The following ARFGEF1 variants were observed in gnomAD, a reference collection of about 807,000 sequenced individuals.
The protein encoded by ARFGEF1 is ARF guanine nucleotide exchange factor 1.
In ARFGEF1, 42 loss-of-function variants were observed where a neutral mutation model predicts 231.0. The ratio of observed to expected loss-of-function variants is 0.18; its 90% CI spans 0.14 to 0.24. ARFGEF1 has a LOEUF of 0.24. Among genes scored for constraint, ARFGEF1 ranks in the 10% least tolerant of loss-of-function variants. The pLI, the probability that ARFGEF1 is intolerant of heterozygous loss-of-function variation, is 1.00. For missense variants in ARFGEF1, 1,345 were observed against 2,192.0 expected (o/e 0.61, Z 7.72); for synonymous variants, 710 against 732.3 (o/e 0.97, Z 0.49).
intron 15 of ARFGEF1, among the ~76,000 whole-genome samples, chr8:67,259,425 G>A (rs1840569343): frequency 6.6e-6 from 1 of 151,984 alleles, no homozygotes; most frequent in African/African-American, 2.4e-5. Context: ...ACGAGGTTTT[G>A]CCACATTGGC....
At chr8:67,282,824 G>A (rs540795824) in intron 7 of ARFGEF1, among the ~76,000 whole-genome samples, 3 of 145,202 alleles carry the variant, frequency 2.1e-5, no homozygotes, top group South Asian at 2.2e-4. Context: ...CTCCAGCCTC[G>A]ATGATAGAGC....
At chr8:67,252,637 C>T (rs1840333077) in intron 18 of ARFGEF1, among the ~76,000 whole-genome samples, 1 of 152,168 alleles carries the variant, frequency 6.6e-6, no homozygotes, top group Non-Finnish European at 1.5e-5. Context: ...TATTCTTGAG[C>T]CACTACCCTC....
rs1216397684 is a variant in ARFGEF1 at position 67,271,879 on chromosome 8, C to G, written c.1395G>C (p.Gln465His). ...TTGTCCTGAAAATAGGTCCTGCATT[C>G]TGCAGAATGGATAGAAGTAACTGCA... Reference protein sequence around the residue: ...LSLQLLLSILQNAGPIFRTNE... With the variant: ...LSLQLLLSILHNAGPIFRTNE... The change falls in exon 10 of 39, where the codon CAG becomes CAC. Residue 465 changes from glutamine (Q) to histidine (H), a missense_variant. Around this residue, in one of 14 missense-constraint regions of ARFGEF1, gnomAD observed 141 missense variants for 259.9 expected, o/e 0.54. Coordinates refer to ENST00000262215, the MANE Select transcript of ARFGEF1 (RefSeq NM_006421.5). 1 of 1,613,504 alleles carries G rather than the reference C, an allele frequency of 6.2e-7. No homozygotes were observed. The highest frequency in any genetic ancestry group is 1.3e-5 in the African/African-American group (1 of 74,902).
In ARFGEF1 at chr8:67,343,276, C is replaced by T. The variant is rs1413729208; in HGVS notation, c.12G>A (p.Gly4=). MYE[G]KKTKNMFLTR... ...TCAGGAACATGTTCTTCGTCTTCTT[C>T]CCCTCATACATGGACGCAGAGAAGG... The change falls in exon 1 of 39, where the codon GGG becomes GGA. Residue 4 remains glycine (G), a synonymous_variant. Coordinates refer to ENST00000262215, the MANE Select transcript of ARFGEF1 (RefSeq NM_006421.5). 1.1e-5 allele frequency: 18 copies of T among 1,613,772 alleles called. No homozygotes were observed. Among genetic ancestry groups the T allele is most frequent in the Non-Finnish European group, 1.4e-5 (16 of 1,179,766 alleles).
intron 1 of ARFGEF1, among the ~76,000 whole-genome samples, chr8:67,307,597 T>C (rs1301159911): frequency 2.0e-5 from 3 of 152,060 alleles, no homozygotes; most frequent in African/African-American, 7.2e-5. Context: ...TGTGCAGGGG[T>C]AGAGCTGGAG....
intron 15 of ARFGEF1, among the ~76,000 whole-genome samples, chr8:67,258,830 C>CACACACAT (rs1840549254): frequency 1.3e-5 from 2 of 151,132 alleles, no homozygotes; most frequent in African/African-American, 4.9e-5. Flanking sequence ...CACACACACA[C>CACACACAT]ACACACACAC....
intron 1 of ARFGEF1, among the ~76,000 whole-genome samples, chr8:67,306,268 G>C (rs1806741465): frequency 6.6e-6 from 1 of 152,194 alleles, no homozygotes; most frequent in Non-Finnish European, 1.5e-5. Flanking sequence ...GTAGCTTATA[G>C]AGCATGGAGA....
intron 5 of ARFGEF1, chr8:67,179,964 A>C: frequency 8.5e-7 from 1 of 1,170,758 alleles, no homozygotes; most frequent in South Asian, 1.3e-5. Context: ...TATTGTTTAA[A>C]TATTAAACCT....
intron 5 of ARFGEF1, among the ~76,000 whole-genome samples, chr8:67,182,825 C>T (rs183925844): frequency 2.6e-5 from 4 of 152,226 alleles, no homozygotes; most frequent in East Asian, 1.9e-4. Flanking sequence ...TTTTTAAAAT[C>T]AGAGTTTTTT....
In ARFGEF1 at chr8:67,201,484, G is replaced by A; in HGVS notation, c.5250C>T (p.Val1750=). The A allele has an allele frequency of 6.2e-7, 1 of 1,610,092 alleles. No homozygotes were observed. The highest frequency in any genetic ancestry group is 8.5e-7 in the Non-Finnish European group (1 of 1,178,602). The change falls in exon 37 of 39, where the codon GTC becomes GTT. Residue 1750 remains valine, a synonymous_variant. Transcript: ENST00000262215. ...AGTCTTACTTCAAAAGCCTCTGCTG[G>A]ACCTCCTCCCAGGCACTAACGCGGC... ...DESRVSAWEE[V]QQRLLNVCSE...
At chr8:67,310,950 C>T (rs1265417455) in intron 1 of ARFGEF1, among the ~76,000 whole-genome samples, 3 of 62,224 alleles carry the variant, frequency 4.8e-5, no homozygotes, top group African/African-American at 1.3e-4. Flanking sequence ...GCAGCCACCC[C>T]GTCCAGGAGG....
chr8:67,249,403 T>C (rs1049622686), intron 19 of ARFGEF1, among the ~76,000 whole-genome samples: 1 of 150,090 alleles, frequency 6.7e-6, no homozygotes, highest in South Asian at 2.1e-4. Flanking sequence ...GTGTATTAAA[T>C]ACATTTTCCA....
At chr8:67,339,982 A>C (rs192176415) in intron 1 of ARFGEF1, among the ~76,000 whole-genome samples, 2 of 152,070 alleles carry the variant, frequency 1.3e-5, no homozygotes, top group East Asian at 1.9e-4. Context: ...AATTTCCCCT[A>C]ATCTACATGC....
rs183066243 is a variant in ARFGEF1 at position 67,244,002 on chromosome 8, G to A, written c.2851-3712C>T. Among the ~76,000 whole-genome samples, 74 of 152,080 alleles carry A rather than the reference G, an allele frequency of 4.9e-4. 1 individual carries two copies. Among genetic ancestry groups the A allele is most frequent in the African/African-American group, 1.4e-3 (60 of 41,492 alleles). Reference sequence around the variant, plus strand: ...CGCCTGTAATCCCAGCACTTTGGGAGGCCGAGGTGGGTGGATCATCTGAGA... The same window carrying A: ...CGCCTGTAATCCCAGCACTTTGGGAAGCCGAGGTGGGTGGATCATCTGAGA... On this transcript the variant is annotated intron_variant, in intron 19 of 38. Transcript: ENST00000262215.
chr8:67,281,057 TG>T (rs773070153), intron 7 of ARFGEF1, among the ~76,000 whole-genome samples: 6 of 149,206 alleles, frequency 4.0e-5, no homozygotes, highest in Non-Finnish European at 8.9e-5. Flanking sequence ...ATGGGGTTCT[TG>T]GGGACAAAAA....
intron 1 of ARFGEF1, among the ~76,000 whole-genome samples, chr8:67,306,944 A>T (rs1021289360): frequency 1.9e-4 from 29 of 152,142 alleles, no homozygotes; most frequent in African/African-American, 6.5e-4. Flanking sequence ...AAGCACAGCT[A>T]ATTTTTGTAT....
At chr8:67,250,067 T>C (rs753617724) in intron 19 of ARFGEF1, among the ~76,000 whole-genome samples, 5 of 152,294 alleles carry the variant, frequency 3.3e-5, no homozygotes, top group South Asian at 2.1e-4. Flanking sequence ...GAGTGCAGCA[T>C]AGTAAGAAAC....
At chr8:67,221,597 A>C (rs1205334919) in intron 29 of ARFGEF1, among the ~76,000 whole-genome samples, 1 of 152,186 alleles carries the variant, frequency 6.6e-6, no homozygotes, top group African/African-American at 2.4e-5. Context: ...GTTTTTTAAA[A>C]TTTTAAAAAT....
intron 22 of ARFGEF1, among the ~76,000 whole-genome samples, chr8:67,236,379 T>A (rs1205375766): frequency 0.026 from 1,146 of 43,714 alleles, 56 homozygotes; most frequent in African/African-American, 0.039. Context: ...TATATATATA[T>A]ATATATATAT....
Sources: gnomAD v4.1 joint callset for allele counts (sites outside exome capture counted in the v4.1 genomes callset) on GRCh38, gnomAD v4.1.1 for gene constraint, gnomAD v4.1.1 regional missense constraint, MANE v1.5 for transcripts, NCBI Gene and HGNC (gene_info 2026-07-23, HGNC 2026-07-21) for gene names.